The following MRPS27 variants were observed in gnomAD, a reference collection of about 807,000 sequenced individuals.
MRPS27 encodes the protein small ribosomal subunit protein mS27.
Under a neutral mutation model 48.9 loss-of-function variants are expected in MRPS27, and 43 were observed. That is an observed-to-expected ratio of 0.88 (90% CI 0.69 to 1.13). The LOEUF (loss-of-function observed/expected upper bound fraction) is 1.13, where lower values mean the gene tolerates loss of function less well. Ranked by LOEUF, MRPS27 falls within the 50% of genes most tolerant of loss-of-function variation. The pLI is 0.00. For synonymous variants in MRPS27, 188 were observed against 171.9 expected (o/e 1.09, Z -0.73); for missense variants, 467 against 476.3 (o/e 0.98, Z 0.18).
intron 5 of MRPS27, among the ~76,000 whole-genome samples, chr5:72,236,672 C>A (rs776126250): frequency 2.2e-4 from 34 of 152,188 alleles, no homozygotes; most frequent in Middle Eastern, 6.8e-3. Context: ...GCTTCCTTAC[C>A]TGGTTCCTCC....
rs149464375 is a variant in MRPS27, at chr5:72,295,035, T to TTG, written c.281+494_281+495dup. 6.5e-3 allele frequency among the ~76,000 whole-genome samples: 986 copies of TTG among 151,552 alleles called. 10 individuals are homozygous for TTG. The highest frequency in any genetic ancestry group is 0.022 in the African/African-American group (924 of 41,374). ...GCATCTTAGATAAGAGATACTCAAC[T>TTG]TGTGTGTGTGTGTGTTTGTGTGTGT... On this transcript the variant is annotated intron_variant, in intron 4 of 10. Coordinates refer to ENST00000261413, the MANE Select transcript of MRPS27 (RefSeq NM_015084.3).
chr5:72,262,152 C>T (rs760998431), intron 4 of MRPS27, among the ~76,000 whole-genome samples: 11 of 152,220 alleles, frequency 7.2e-5, no homozygotes, highest in South Asian at 4.1e-4. Flanking sequence ...AACTCTCTGG[C>T]GAGCTATTTG....
intron 4 of MRPS27, among the ~76,000 whole-genome samples, chr5:72,254,375 A>G (rs1748739850): frequency 6.6e-6 from 1 of 152,204 alleles, no homozygotes; most frequent in Non-Finnish European, 1.5e-5. Context: ...GCACACACAC[A>G]CATATATTAA....
chr5:72,229,308 T>C (rs1001427748), intron 7 of MRPS27: 5 of 152,166 alleles, frequency 3.3e-5, no homozygotes, highest in African/African-American at 7.2e-5. Flanking sequence ...CAGATGTTCA[T>C]AGGCACCCAA....
At position 72,295,526 on chromosome 5, in the gene MRPS27, C is replaced by G; in HGVS notation, c.281+5G>C. 1 of 1,603,218 alleles carries G rather than the reference C, an allele frequency of 6.2e-7. No individual in the cohort carries two copies. The highest frequency in any genetic ancestry group is 8.5e-7 in the Non-Finnish European group (1 of 1,171,016). ...GTACATAGCCAAATCAAATGGAAAACTTACTTGTAAAGGTAATACTCTGCA... is the reference window on the plus strand; with the variant it reads ...GTACATAGCCAAATCAAATGGAAAAGTTACTTGTAAAGGTAATACTCTGCA... On this transcript the variant is annotated splice_donor_5th_base_variant and intron_variant, in intron 4 of 10. Coordinates refer to ENST00000261413, the MANE Select transcript of MRPS27 (RefSeq NM_015084.3).
At chr5:72,266,760 T>G (rs1172071299) in intron 4 of MRPS27, among the ~76,000 whole-genome samples, 1 of 152,000 alleles carries the variant, frequency 6.6e-6, no homozygotes, top group Non-Finnish European at 1.5e-5. Context: ...CTCGGGAGGC[T>G]GAGGCAGAAG....
At position 72,232,425 on chromosome 5, in the gene MRPS27, T is replaced by G. The variant is rs1561331354; in HGVS notation, c.591+18A>C. The G allele has an allele frequency of 6.3e-7, 1 of 1,583,752 alleles. No homozygotes were observed. Among genetic ancestry groups the G allele is most frequent in the Non-Finnish European group, 8.7e-7 (1 of 1,154,882 alleles). On this transcript the variant is annotated intron_variant, in intron 7 of 10. Transcript: ENST00000261413. ...CTTTTCTAAAGTTCTTAATACTGCT[T>G]TAGGGAAGATCACTTACACTGAAGT...
At chr5:72,266,481 TC>T (rs1749110097) in intron 4 of MRPS27, among the ~76,000 whole-genome samples, 1 of 152,238 alleles carries the variant, frequency 6.6e-6, no homozygotes, top group Non-Finnish European at 1.5e-5. Flanking sequence ...GCTCTACGTA[TC>T]TACTGGCTGC....
At chr5:72,256,970 G>C (rs901654538) in intron 4 of MRPS27, among the ~76,000 whole-genome samples, 1 of 152,150 alleles carries the variant, frequency 6.6e-6, no homozygotes, top group African/African-American at 2.4e-5. Context: ...ATTTGAGGTA[G>C]TCCCTAAGAT....
rs375048550 is a variant in MRPS27 at position 72,276,715 on chromosome 5, G to GA, written c.281+18815dup. ...GTCTGCAAGGAACTTAAATTTACCA[G>GA]AAAAAAAAAAAATGCCACTAAAAAG... On this transcript the variant is annotated intron_variant, in intron 4 of 10. Transcript: ENST00000261413. 5.3e-3 allele frequency among the ~76,000 whole-genome samples: 758 copies of GA among 142,832 alleles called. 4 individuals carry two copies. The highest frequency in any genetic ancestry group is 0.019 in the East Asian group (97 of 4,976). 93.7% of individuals were successfully genotyped at this position (142,832 alleles called of 152,430 possible).
intron 4 of MRPS27, among the ~76,000 whole-genome samples, chr5:72,266,172 G>A (rs1339500331): frequency 6.6e-6 from 1 of 152,076 alleles, no homozygotes; most frequent in Non-Finnish European, 1.5e-5. Flanking sequence ...TAACAGTGAG[G>A]CATGATAATT....
At chr5:72,269,114 A>G (rs1749170284) in intron 4 of MRPS27, among the ~76,000 whole-genome samples, 1 of 152,220 alleles carries the variant, frequency 6.6e-6, no homozygotes, top group African/African-American at 2.4e-5. Flanking sequence ...ATTGTTGCAT[A>G]TGAGTTTTCC....
At chr5:72,286,542 T>C (rs958636866) in intron 4 of MRPS27, among the ~76,000 whole-genome samples, 1 of 152,076 alleles carries the variant, frequency 6.6e-6, no homozygotes, top group Non-Finnish European at 1.5e-5. Flanking sequence ...TGTCAAAAAA[T>C]TAGCTTTGAT....
At chr5:72,276,544 CA>C (rs1356453465) in intron 4 of MRPS27, among the ~76,000 whole-genome samples, 1 of 152,142 alleles carries the variant, frequency 6.6e-6, no homozygotes, top group African/African-American at 2.4e-5. Flanking sequence ...GCAATTGCAA[CA>C]TAAACAGAAA....
At position 72,297,651 on chromosome 5, in the gene MRPS27, C is replaced by T. The variant is rs1750015202; in HGVS notation, c.203G>A (p.Ser68Asn). 6.2e-7 allele frequency: 1 copy of T among 1,600,054 alleles called. No individual in the cohort carries two copies. Among genetic ancestry groups the T allele is most frequent in the Non-Finnish European group, 8.5e-7 (1 of 1,172,864 alleles). Residue 68 changes from serine (S) to asparagine (N), a missense_variant, in exon 3 of 11, where the codon AGT becomes AAT. Coordinates refer to ENST00000261413, the MANE Select transcript of MRPS27 (RefSeq NM_015084.3). ...TCTTACCCGTGATATTGTTAAAGAA[C>T]TAACAGGCAACTTTCTCTCAAATGT... ...DKTFERKLPV[S>N]SLTISRLIDN...
intron 4 of MRPS27, among the ~76,000 whole-genome samples, chr5:72,252,962 T>C (rs1308666287): frequency 6.6e-6 from 1 of 152,034 alleles, no homozygotes; most frequent in African/African-American, 2.4e-5. Flanking sequence ...TGGCTCACTC[T>C]CTCCAGAAAG....
chr5:72,261,704 G>A (rs1248310419), intron 4 of MRPS27, among the ~76,000 whole-genome samples: 2 of 152,158 alleles, frequency 1.3e-5, no homozygotes, highest in Admixed American at 6.5e-5. Context: ...ATTAAAGTCT[G>A]TACCATGTAA....
chr5:72,308,206 G>C (rs550502099), intron 2 of MRPS27, among the ~76,000 whole-genome samples: 1 of 152,308 alleles, frequency 6.6e-6, no homozygotes, highest in Admixed American at 6.5e-5. Flanking sequence ...GGCACAATCA[G>C]CCACGAGGAC....
chr5:72,250,222 T>C (rs1209137819), intron 4 of MRPS27, among the ~76,000 whole-genome samples: 3 of 152,194 alleles, frequency 2.0e-5, no homozygotes, highest in Non-Finnish European at 2.9e-5. Flanking sequence ...TTGGGTATAT[T>C]TAAGAAATAA....
Sources: gnomAD v4.1 joint callset for allele counts (sites outside exome capture counted in the v4.1 genomes callset) on GRCh38, gnomAD v4.1.1 for gene constraint, MANE v1.5 for transcripts, NCBI Gene and HGNC (gene_info 2026-07-23, HGNC 2026-07-21) for gene names.